Variants in RAPGEF2 observed in about 807,000 individuals in gnomAD.
RAPGEF2 encodes PDZ domain containing guanine nucleotide exchange factor (GEF) 1.
A neutral mutation model predicts 186.7 loss-of-function variants in RAPGEF2; 54 were observed. That is an observed-to-expected ratio of 0.29 (90% CI 0.23 to 0.36). The LOEUF (loss-of-function observed/expected upper bound fraction) is 0.36. Ranked by LOEUF, RAPGEF2 falls within the 10% of genes least tolerant of loss-of-function variation. The pLI is 1.00. For missense variants in RAPGEF2, 1,532 were observed against 2,045.0 expected, an observed-to-expected ratio of 0.75 and a Z score of 4.84; for synonymous variants, 712 against 705.9, an observed-to-expected ratio of 1.01 and a Z score of -0.14.
chr4:159,267,897 C>T, intron 7 of RAPGEF2: 2 of 1,145,098 alleles, frequency 1.7e-6, no homozygotes, highest in South Asian at 7.2e-5. Context: ...TTTTCTCAGT[C>T]TTGTCATAGC....
chr4:159,314,889 T>G, intron 9 of RAPGEF2, 121 bp downstream of exon 9: 1 of 979,034 alleles, frequency 1.0e-6, no homozygotes, highest in Non-Finnish European at 1.4e-6. Context: ...TTAATTTCCT[T>G]TGTATAAACA....
At chr4:159,137,296 T>A (rs779438536) in intron 1 of RAPGEF2, among the ~76,000 whole-genome samples, 13 of 152,192 alleles carry the variant, frequency 8.5e-5, no homozygotes, top group Non-Finnish European at 1.8e-4. Flanking sequence ...GGCCTACTCC[T>A]GGCCTGCAGA....
intron 18 of RAPGEF2, 101 bp from the exon 19 acceptor site, chr4:159,339,013 T>C (rs1767860641): frequency 1.4e-6 from 2 of 1,396,006 alleles, no homozygotes; most frequent in South Asian, 2.8e-5. Context: ...AAGTTCAGCA[T>C]TGCTTTTTCT....
At chr4:159,195,942 G>A (rs1386624766) in intron 3 of RAPGEF2, among the ~76,000 whole-genome samples, 3 of 132,746 alleles carry the variant, frequency 2.3e-5, no homozygotes, top group Non-Finnish European at 3.1e-5. Context: ...GTGCATGTGA[G>A]CTATGCTGAT....
At chr4:159,151,203 A>G (rs1743496257) in intron 1 of RAPGEF2, among the ~76,000 whole-genome samples, 1 of 151,444 alleles carries the variant, frequency 6.6e-6, no homozygotes, top group South Asian at 2.1e-4. Context: ...TCAACTGTTT[A>G]AAGTACTTTA....
At chr4:159,226,468 G>A (rs1752043818) in intron 4 of RAPGEF2, among the ~76,000 whole-genome samples, 1 of 151,942 alleles carries the variant, frequency 6.6e-6, no homozygotes. Context: ...TTCTGTCCTT[G>A]CCTTTTTATA....
chr4:159,175,062 A>G (rs1380751767), intron 1 of RAPGEF2, among the ~76,000 whole-genome samples: 1 of 152,180 alleles, frequency 6.6e-6, no homozygotes, highest in Non-Finnish European at 1.5e-5. Context: ...AGTTTAAGCC[A>G]TACATGTGTC....
At chr4:159,118,794 A>C (rs1312404257) in intron 1 of RAPGEF2, among the ~76,000 whole-genome samples, 1 of 152,144 alleles carries the variant, frequency 6.6e-6, no homozygotes, top group Non-Finnish European at 1.5e-5. Context: ...CATGTTGACC[A>C]GACTGGTCTT....
intron 7 of RAPGEF2, among the ~76,000 whole-genome samples, chr4:159,272,378 C>G (rs1028559870): frequency 6.6e-6 from 1 of 152,216 alleles, no homozygotes; most frequent in African/African-American, 2.4e-5. Flanking sequence ...TTAGGACAAG[C>G]TGGCTTGATT....
rs1561356521 is a variant in RAPGEF2 at position 159,359,489 on chromosome 4, GTGT to G, written c.*1355_*1357del. 1 of 152,084 alleles carries G rather than the reference GTGT, an allele frequency of 6.6e-6. No individual in the cohort carries two copies. The highest frequency in any genetic ancestry group is 1.5e-5 in the Non-Finnish European group (1 of 68,006). 9.4% of individuals were successfully genotyped at this position (152,084 alleles called of 1,614,324 possible). ...GAAATGACCCCTCCACTCTATTTTT[GTGT>G]TGTTTTGCACAGACTCCGGAAAAGT... On this transcript the variant is annotated 3_prime_UTR_variant, in exon 30 of 30. Transcript: ENST00000691494.
At chr4:159,249,653 C>G (rs991253316) in intron 7 of RAPGEF2, among the ~76,000 whole-genome samples, 1 of 151,860 alleles carries the variant, frequency 6.6e-6, no homozygotes, top group African/African-American at 2.4e-5. Flanking sequence ...CCCTTATTTT[C>G]TCTGAAAAAT....
chr4:159,160,978 A>G (rs1744647554), intron 1 of RAPGEF2, among the ~76,000 whole-genome samples: 1 of 130,160 alleles, frequency 7.7e-6, no homozygotes, highest in African/African-American at 2.5e-5. Context: ...CTAATTAGAA[A>G]TTAAAGTTTT....
chr4:159,353,411 T>G lies in RAPGEF2; in HGVS notation c.4092-76T>G. On this transcript the variant is annotated intron_variant, in intron 27 of 29. Coordinates refer to ENST00000691494, the MANE Select transcript of RAPGEF2 (RefSeq NM_001394067.2). The surrounding 1 kb of genome is among the most constrained non-coding windows in gnomAD (Gnocchi z 4.3). The stretch of plus-strand genomic sequence containing the variant: ...CAAGCTACCTTTCTAGGAAAAAGGG[T>G]ATTTTGGTTTTATCATAGGTGAATT... The G allele has an allele frequency of 1.7e-6, 2 of 1,168,352 alleles. No homozygotes were observed. The highest frequency in any genetic ancestry group is 1.2e-6 in the Non-Finnish European group (1 of 867,910). 72.4% of individuals were successfully genotyped at this position (1,168,352 alleles called of 1,614,324 possible). A position where few individuals can be genotyped will look rare whatever the true frequency, so the allele number is the denominator to read the frequency against.
intron 7 of RAPGEF2, among the ~76,000 whole-genome samples, chr4:159,281,115 C>T (rs930199761): frequency 2.6e-5 from 4 of 151,882 alleles, no homozygotes; most frequent in Non-Finnish European, 4.4e-5. Flanking sequence ...CCTCAGTCTC[C>T]CGAGTAGCTG....
intron 3 of RAPGEF2, among the ~76,000 whole-genome samples, chr4:159,196,880 A>T (rs961976000): frequency 6.6e-6 from 1 of 152,244 alleles, no homozygotes; most frequent in Non-Finnish European, 1.5e-5. Flanking sequence ...GTTGGGGGGA[A>T]CATTGTGATT....
chr4:159,137,870 A>G (rs1741896195), intron 1 of RAPGEF2, among the ~76,000 whole-genome samples: 1 of 152,166 alleles, frequency 6.6e-6, no homozygotes, highest in African/African-American at 2.4e-5. Context: ...ACATTTCTTT[A>G]TCCTGTTTGA....
intron 1 of RAPGEF2, among the ~76,000 whole-genome samples, chr4:159,184,648 T>C (rs1410951385): frequency 6.6e-6 from 1 of 152,240 alleles, no homozygotes; most frequent in East Asian, 1.9e-4. Flanking sequence ...ATTAGCCCTT[T>C]GTCGGATGAG....
intron 9 of RAPGEF2, among the ~76,000 whole-genome samples, chr4:159,321,079 C>T (rs1017205033): frequency 5.9e-5 from 9 of 152,162 alleles, no homozygotes; most frequent in Non-Finnish European, 1.3e-4. Flanking sequence ...AATCACCTTG[C>T]CCAAAGTAAT....
At chr4:159,279,979 C>T (rs1448466616) in intron 7 of RAPGEF2, among the ~76,000 whole-genome samples, 3 of 152,136 alleles carry the variant, frequency 2.0e-5, no homozygotes, top group Non-Finnish European at 4.4e-5. Context: ...GCCACTGTGC[C>T]CGGCCTATAT....
Sources: allele counts gnomAD v4.1 joint callset (sites outside exome capture counted in the v4.1 genomes callset), GRCh38; gene constraint gnomAD v4.1.1; non-coding constraint Gnocchi (gnomAD v3.1); transcripts MANE v1.5; gene names NCBI Gene and HGNC (gene_info 2026-07-23, HGNC 2026-07-21).